DOK6: variants seen among roughly 807,000 people sequenced by gnomAD.
The protein encoded by DOK6 is docking protein 6.
In DOK6, 22 loss-of-function variants were observed where a neutral mutation model predicts 44.0. The observed-to-expected ratio is 0.50, with a 90% CI of 0.36 to 0.71. DOK6 has a LOEUF of 0.71. Ranked by LOEUF, DOK6 falls within the 30% of genes least tolerant of loss-of-function variation. The pLI is 0.00. For synonymous variants in DOK6, 166 were observed against 145.5 expected (o/e 1.14, Z -1.01); for missense variants, 340 against 416.4 (o/e 0.82, Z 1.60).
rs1555674698 is a variant in DOK6 at position 69,847,773 on chromosome 18, A to AAAATATAT, written c.*6391_*6392insAATATATA. On this transcript the variant is annotated 3_prime_UTR_variant, in exon 8 of 8. Coordinates refer to ENST00000382713, the MANE Select transcript of DOK6 (RefSeq NM_152721.6). Reference sequence around the variant, plus strand: ...AATGCTTACTCTTGTAAAAAAAAAAAATATATATATATGTATCAGCAGGTA... The same window carrying AAAATATAT: ...AATGCTTACTCTTGTAAAAAAAAAAAAAATATATATATATATATATGTATCAGCAGGTA... 4.0e-5 allele frequency: 6 copies of AAAATATAT among 150,630 alleles called. No individual in the cohort carries two copies. The highest frequency in any genetic ancestry group is 2.1e-4 in the South Asian group (1 of 4,786). 9.3% of individuals were successfully genotyped at this position (150,630 alleles called of 1,614,324 possible).
intron 1 of DOK6, among the ~76,000 whole-genome samples, chr18:69,486,102 T>C (rs1980570205): frequency 6.6e-6 from 1 of 151,936 alleles, no homozygotes; most frequent in Non-Finnish European, 1.5e-5. Flanking sequence ...TTTCAGTTCC[T>C]TTTTTAATAT....
rs886251780 is a variant in DOK6, at chr18:69,483,408, A to G, written c.67-81079A>G. On this transcript the variant is annotated intron_variant, in intron 1 of 7. Transcript: ENST00000382713. ...TAAAAGGAGTAATTGCTGTTCTTTA[A>G]TGATACAGTGATGTTATTAGATGAA... Among the ~76,000 whole-genome samples, 7 of 152,126 alleles carry G rather than the reference A, an allele frequency of 4.6e-5. 1 individual carries two copies. The highest frequency in any genetic ancestry group is 3.4e-3 in the Middle Eastern group (1 of 294).
intron 1 of DOK6, among the ~76,000 whole-genome samples, chr18:69,527,848 T>A (rs1256949957): frequency 6.6e-6 from 1 of 152,094 alleles, no homozygotes; most frequent in Non-Finnish European, 1.5e-5. Flanking sequence ...GTTATAATCA[T>A]AAAGGTTACT....
At chr18:69,792,314 G>A (rs978404882) in intron 7 of DOK6, among the ~76,000 whole-genome samples, 2 of 152,044 alleles carry the variant, frequency 1.3e-5, no homozygotes, top group Non-Finnish European at 1.5e-5. Context: ...GAATTGCACT[G>A]AATCTATAGA....
At position 69,692,371 on chromosome 18, in the gene DOK6, G is replaced by A. The variant is rs73469578; in HGVS notation, c.410-6033G>A. Among the ~76,000 whole-genome samples, 1,135 of 152,350 alleles carry A rather than the reference G, an allele frequency of 7.4e-3. 18 individuals are homozygous for A. Among genetic ancestry groups the A allele is most frequent in the African/African-American group, 0.026 (1,084 of 41,570 alleles). On this transcript the variant is annotated intron_variant, in intron 4 of 7. Coordinates refer to ENST00000382713, the MANE Select transcript of DOK6 (RefSeq NM_152721.6). ...CAAGAAGTGGAAATTTCATAGTTGT[G>A]TGAGAGCAGGGTTGGAAGAAAAACC...
chr18:69,674,491 G>T (rs1985876287), intron 3 of DOK6, among the ~76,000 whole-genome samples: 1 of 151,796 alleles, frequency 6.6e-6, no homozygotes, highest in Non-Finnish European at 1.5e-5. Context: ...TCCACCCCAG[G>T]CATCTCCCTC....
intron 7 of DOK6, among the ~76,000 whole-genome samples, chr18:69,798,013 T>A (rs1418952021): frequency 2.0e-5 from 3 of 152,044 alleles, no homozygotes; most frequent in Non-Finnish European, 4.4e-5. Context: ...TGCTACTAAT[T>A]TTCAGGAATA....
intron 7 of DOK6, chr18:69,781,562 C>T (rs765868098): frequency 6.6e-6 from 1 of 152,126 alleles, no homozygotes; most frequent in Non-Finnish European, 1.5e-5. Context: ...ATGAAAAGTA[C>T]TCTATTACTA....
chr18:69,697,699 CACAG>C (rs34370772), intron 4 of DOK6, among the ~76,000 whole-genome samples: 14,029 of 151,842 alleles, frequency 0.092, 936 homozygotes, highest in African/African-American at 0.19. Flanking sequence ...CTTTAAGAAA[CACAG>C]ACAGACAGTT....
At chr18:69,668,896 G>A (rs1985726561) in intron 3 of DOK6, among the ~76,000 whole-genome samples, 1 of 152,126 alleles carries the variant, frequency 6.6e-6, no homozygotes, top group African/African-American at 2.4e-5. Flanking sequence ...CTTTGTCAAT[G>A]AAAAAGTCCT....
At chr18:69,725,517 T>TCA (rs1385416970) in intron 5 of DOK6, among the ~76,000 whole-genome samples, 4 of 152,264 alleles carry the variant, frequency 2.6e-5, no homozygotes, top group African/African-American at 9.6e-5. Context: ...AGACAGTGTC[T>TCA]CACTCTGTCA....
chr18:69,539,426 C>A lies in DOK6; in HGVS notation c.67-25061C>A, dbSNP rs535502789. On this transcript the variant is annotated intron_variant, in intron 1 of 7. Transcript: ENST00000382713. ...TTTTTGTGAAGATAAAAAAAAGTGACCATACATTTTTAATTATTTTTCTTT... is the reference window on the plus strand; with the variant it reads ...TTTTTGTGAAGATAAAAAAAAGTGAACATACATTTTTAATTATTTTTCTTT... 2.1e-3 allele frequency among the ~76,000 whole-genome samples: 321 copies of A among 150,198 alleles called. 1 individual carries two copies. The highest frequency in any genetic ancestry group is 3.9e-3 in the Non-Finnish European group (263 of 67,716).
intron 4 of DOK6, among the ~76,000 whole-genome samples, chr18:69,685,749 C>G (rs1000521254): frequency 6.6e-6 from 1 of 152,100 alleles, no homozygotes; most frequent in Non-Finnish European, 1.5e-5. Context: ...TTGCCCATTG[C>G]TTGAAAAGTT....
chr18:69,524,341 AGT>A (rs1568285059), intron 1 of DOK6, among the ~76,000 whole-genome samples: 4 of 152,042 alleles, frequency 2.6e-5, no homozygotes, highest in South Asian at 2.1e-4. Flanking sequence ...GTGTAGTTAA[AGT>A]GTGTCTTATT....
chr18:69,846,554 G>A lies in DOK6; in HGVS notation c.*5171G>A, dbSNP rs2145146085. On this transcript the variant is annotated 3_prime_UTR_variant, in exon 8 of 8. Coordinates refer to ENST00000382713, the MANE Select transcript of DOK6 (RefSeq NM_152721.6). ...GGGCAATTCATTAGATTTCTGGTAG[G>A]TCATGAATGGTTGGTATAAGCTTTA... The A allele has an allele frequency of 6.6e-6, 1 of 152,308 alleles. No homozygotes were observed. Among genetic ancestry groups the A allele is most frequent in the South Asian group, 2.1e-4 (1 of 4,832 alleles). The allele number at this position is 152,308 out of a possible 1,614,324, so 9.4% of individuals were successfully genotyped here.
chr18:69,683,935 T>A (rs1257362472), intron 4 of DOK6, among the ~76,000 whole-genome samples: 1 of 152,196 alleles, frequency 6.6e-6, no homozygotes, highest in Non-Finnish European at 1.5e-5. Context: ...TGTATTCATA[T>A]CCTGTGGGAC....
At chr18:69,682,751 C>T (rs1231704243) in intron 4 of DOK6, among the ~76,000 whole-genome samples, 3 of 152,060 alleles carry the variant, frequency 2.0e-5, no homozygotes, top group African/African-American at 7.2e-5. Flanking sequence ...ATACAATCTA[C>T]CATCTCAGGT....
intron 1 of DOK6, among the ~76,000 whole-genome samples, chr18:69,557,694 T>C (rs1214979806): frequency 6.6e-6 from 1 of 152,144 alleles, no homozygotes; most frequent in African/African-American, 2.4e-5. Flanking sequence ...AGGAGCCTGT[T>C]TGATGAAATA....
intron 6 of DOK6, among the ~76,000 whole-genome samples, chr18:69,741,985 A>G (rs71370313): frequency 0.047 from 7,182 of 152,292 alleles, 168 homozygotes; most frequent in Middle Eastern, 0.054. Context: ...TTTTCACACC[A>G]TATAAGACCT....
Sources: allele counts gnomAD v4.1 joint callset (sites outside exome capture counted in the v4.1 genomes callset), GRCh38; gene constraint gnomAD v4.1.1; transcripts MANE v1.5; gene names NCBI Gene and HGNC (gene_info 2026-07-23, HGNC 2026-07-21).